Variants in LSAMP observed in about 807,000 individuals in gnomAD.
LSAMP encodes limbic system associated membrane protein, also known as limbic system-associated membrane protein.
LSAMP carries 7 observed loss-of-function variants against 38.6 expected under a neutral mutation model. The ratio of observed to expected loss-of-function variants is 0.18; its 90% CI spans 0.10 to 0.34. The LOEUF (loss-of-function observed/expected upper bound fraction) is 0.34, where lower values mean the gene tolerates loss of function less well. Among genes scored for constraint, LSAMP ranks in the 10% least tolerant of loss-of-function variants. LSAMP has a pLI of 1.00. For missense variants in LSAMP, 313 were observed against 420.0 expected, an observed-to-expected ratio of 0.75 and a Z score of 2.23; for synonymous variants, 154 against 166.8, an observed-to-expected ratio of 0.92 and a Z score of 0.59.
chr3:115,867,448 T>C (rs1432567707), intron 3 of LSAMP, among the ~76,000 whole-genome samples: 1 of 152,088 alleles, frequency 6.6e-6, no homozygotes, highest in African/African-American at 2.4e-5. Context: ...TCCTCCCCTT[T>C]TGACAGATGG....
intron 1 of LSAMP, among the ~76,000 whole-genome samples, chr3:116,148,155 T>G (rs2107523743): frequency 6.6e-6 from 1 of 151,918 alleles, no homozygotes; most frequent in Admixed American, 6.6e-5. Context: ...TTATCCAATT[T>G]GCATTTGTTC....
chr3:116,043,986 G>A (rs1463381773), intron 2 of LSAMP, among the ~76,000 whole-genome samples: 1 of 152,160 alleles, frequency 6.6e-6, no homozygotes, highest in African/African-American at 2.4e-5. Flanking sequence ...AATTCTTAAT[G>A]TCTTTCCACT....
At chr3:115,817,870 C>T (rs1412835878) in intron 6 of LSAMP, among the ~76,000 whole-genome samples, 3 of 152,206 alleles carry the variant, frequency 2.0e-5, no homozygotes, top group African/African-American at 7.2e-5. Context: ...TATGTCTCAT[C>T]ATCTAACCAC....
intron 2 of LSAMP, among the ~76,000 whole-genome samples, chr3:116,078,763 C>T (rs1271038021): frequency 1.3e-5 from 2 of 152,200 alleles, no homozygotes; most frequent in Non-Finnish European, 2.9e-5. Context: ...GTACTTTTGG[C>T]ATGACTCGTC....
intron 3 of LSAMP, among the ~76,000 whole-genome samples, chr3:115,854,279 ATTATTTTT>A (rs1229059642): frequency 5.2e-5 from 6 of 116,370 alleles, no homozygotes; most frequent in African/African-American, 2.0e-4. Flanking sequence ...TATTATTATT[ATTATTTTT>A]TTTTTTTTTT....
intron 1 of LSAMP, among the ~76,000 whole-genome samples, chr3:116,392,190 G>A (rs970884109): frequency 1.1e-4 from 16 of 152,182 alleles, no homozygotes; most frequent in African/African-American, 2.9e-4. Flanking sequence ...GGGGACAAGC[G>A]GGAGCCCTGC....
intron 3 of LSAMP, among the ~76,000 whole-genome samples, chr3:115,874,681 A>G (rs1936136466): frequency 6.6e-6 from 1 of 152,174 alleles, no homozygotes; most frequent in African/African-American, 2.4e-5. Context: ...CTTCAACTTC[A>G]TGAAGCTACC....
intron 1 of LSAMP, among the ~76,000 whole-genome samples, chr3:116,162,534 C>T (rs1218830975): frequency 6.6e-6 from 1 of 152,106 alleles, no homozygotes; most frequent in African/African-American, 2.4e-5. Flanking sequence ...CGATCCTCCA[C>T]ATATTATTTT....
At chr3:115,914,827 G>T (rs1240685698) in intron 3 of LSAMP, among the ~76,000 whole-genome samples, 1 of 152,190 alleles carries the variant, frequency 6.6e-6, no homozygotes, top group Non-Finnish European at 1.5e-5. Flanking sequence ...CAAGCACACA[G>T]ATTTTAGAGG....
At chr3:115,828,873 G>T (rs1054221504) in intron 6 of LSAMP, among the ~76,000 whole-genome samples, 6 of 152,048 alleles carry the variant, frequency 3.9e-5, no homozygotes, top group Admixed American at 3.9e-4. Context: ...CATCTAAATA[G>T]CACAGCAAGG....
intron 1 of LSAMP, among the ~76,000 whole-genome samples, chr3:116,408,223 T>C (rs887195548): frequency 1.3e-5 from 2 of 152,124 alleles, no homozygotes; most frequent in African/African-American, 4.8e-5. Context: ...ATGTGATTTA[T>C]ATAAAAGCTA....
chr3:116,327,185 C>G (rs1313947172), intron 1 of LSAMP, among the ~76,000 whole-genome samples: 1 of 152,134 alleles, frequency 6.6e-6, no homozygotes, highest in Non-Finnish European at 1.5e-5. Flanking sequence ...AAGCAGTGGC[C>G]AATGCCAAGG....
intron 1 of LSAMP, among the ~76,000 whole-genome samples, chr3:116,227,676 T>C (rs76423612): frequency 3.3e-5 from 5 of 149,276 alleles, no homozygotes; most frequent in Admixed American, 2.7e-4. Flanking sequence ...TCCTTTTTTT[T>C]CCCTCCCCTG....
At chr3:116,213,351 A>C (rs566805341) in intron 1 of LSAMP, among the ~76,000 whole-genome samples, 2 of 152,172 alleles carry the variant, frequency 1.3e-5, no homozygotes, top group Non-Finnish European at 2.9e-5. Context: ...TGGTTTTATA[A>C]AGAGGAGTTC....
At chr3:116,405,626 C>T (rs1305110594) in intron 1 of LSAMP, among the ~76,000 whole-genome samples, 1 of 151,544 alleles carries the variant, frequency 6.6e-6, no homozygotes, top group African/African-American at 2.4e-5. Context: ...AACAGAAGCA[C>T]TAAGTTATAA....
intron 2 of LSAMP, among the ~76,000 whole-genome samples, chr3:116,061,267 C>A (rs1214467872): frequency 6.6e-6 from 1 of 152,220 alleles, no homozygotes; most frequent in Admixed American, 6.5e-5. Context: ...CATGCTCTTT[C>A]TGGCATACCA....
intron 1 of LSAMP, among the ~76,000 whole-genome samples, chr3:116,287,008 T>C (rs1020518637): frequency 4.6e-5 from 7 of 152,244 alleles, no homozygotes; most frequent in African/African-American, 1.7e-4. Flanking sequence ...TAAAATGGAA[T>C]ATTCCTCTCC....
intron 1 of LSAMP, among the ~76,000 whole-genome samples, chr3:116,422,102 G>T (rs1303708868): frequency 6.6e-6 from 1 of 152,144 alleles, no homozygotes; most frequent in African/African-American, 2.4e-5. Context: ...GTCATTAAAA[G>T]GGAGCAAACT....
chr3:116,182,365 T>C (rs1710506134), intron 1 of LSAMP, among the ~76,000 whole-genome samples: 1 of 151,154 alleles, frequency 6.6e-6, no homozygotes, highest in Non-Finnish European at 1.5e-5. Context: ...TTAAATTAAA[T>C]ATATATTGAA....
Sources: gnomAD v4.1 joint callset for allele counts (sites outside exome capture counted in the v4.1 genomes callset) on GRCh38, gnomAD v4.1.1 for gene constraint, MANE v1.5 for transcripts, NCBI Gene and HGNC (gene_info 2026-07-23, HGNC 2026-07-21) for gene names.